SLC45A2: variants seen among roughly 807,000 people sequenced by gnomAD.
SLC45A2 encodes membrane-associated transporter protein.
Under a neutral mutation model 45.5 loss-of-function variants are expected in SLC45A2, and 36 were observed. The ratio of observed to expected loss-of-function variants is 0.79; its 90% CI spans 0.61 to 1.04. The LOEUF (loss-of-function observed/expected upper bound fraction) is 1.04. Among genes scored for constraint, SLC45A2 ranks in the 50% least tolerant of loss-of-function variants. The pLI, the probability that SLC45A2 is intolerant of heterozygous loss-of-function variation, is 0.00. For missense variants in SLC45A2, 719 were observed against 671.0 expected, an observed-to-expected ratio of 1.07 and a Z score of -0.79; for synonymous variants, 306 against 269.3, an observed-to-expected ratio of 1.14 and a Z score of -1.33.
At chr5:33,951,715 A>G in intron 4 of SLC45A2, 38 bp from the exon 5 acceptor site, 1 of 1,613,968 alleles carries the variant, frequency 6.2e-7, no homozygotes, top group Non-Finnish European at 8.5e-7. Flanking sequence ...GTACAAATGC[A>G]ATGTAGTAAG....
At chr5:33,977,561 T>A (rs1252803556) in intron 2 of SLC45A2, among the ~76,000 whole-genome samples, 2 of 152,154 alleles carry the variant, frequency 1.3e-5, no homozygotes, top group African/African-American at 4.8e-5. Context: ...AGCTTTGATC[T>A]CCACAGGCAG....
At chr5:33,978,206 A>G (rs1357556583) in intron 2 of SLC45A2, among the ~76,000 whole-genome samples, 17 of 152,240 alleles carry the variant, frequency 1.1e-4, no homozygotes, top group Admixed American at 2.6e-4. Context: ...ACATTAAAAT[A>G]GAGATCTTAA....
intron 2 of SLC45A2, chr5:33,970,991 GA>G: frequency 2.0e-6 from 1 of 496,546 alleles, no homozygotes; most frequent in South Asian, 1.5e-5. Flanking sequence ...TGAAAAGTCT[GA>G]AAATGATCTG....
rs187081018 is a variant in SLC45A2 at position 33,945,823 on chromosome 5, C to G, written c.1369-951G>C. 7.0e-5 allele frequency: 33 copies of G among 471,466 alleles called. No homozygotes were observed. The Admixed American group carries it at 1.4e-3, about 20-fold the overall frequency. The allele number at this position is 471,466 out of a possible 1,614,324, so 29.2% of individuals were successfully genotyped here. ...AAAAAAAAAGCATTATGCTGAAAAA[C>G]GCATATTATCCTTTGAATAAGAAAG... is the stretch of plus-strand genomic sequence containing the variant. On this transcript the variant is annotated intron_variant, in intron 6 of 6. Transcript: ENST00000296589.
chr5:33,983,200 T>C (rs1023370816), intron 1 of SLC45A2, among the ~76,000 whole-genome samples: 20 of 152,354 alleles, frequency 1.3e-4, no homozygotes, highest in African/African-American at 4.8e-4. Flanking sequence ...TCCTCACAAT[T>C]TTTAACAGCT....
At chr5:33,960,584 A>G (rs1175264473) in intron 3 of SLC45A2, among the ~76,000 whole-genome samples, 1 of 152,144 alleles carries the variant, frequency 6.6e-6, no homozygotes, top group African/African-American at 2.4e-5. Flanking sequence ...TAAGAATGAC[A>G]CAACAGACGT....
At chr5:33,966,348 A>G (rs1056044819) in intron 2 of SLC45A2, among the ~76,000 whole-genome samples, 1 of 152,210 alleles carries the variant, frequency 6.6e-6, no homozygotes, top group African/African-American at 2.4e-5. Flanking sequence ...ATATAAACAT[A>G]AAAAAGACAC....
intron 1 of SLC45A2, among the ~76,000 whole-genome samples, chr5:33,983,390 C>T (rs1194417930): frequency 2.0e-5 from 3 of 152,238 alleles, no homozygotes; most frequent in Non-Finnish European, 4.4e-5. Context: ...CTTCTCACCT[C>T]CTGTCCTTCA....
In SLC45A2 at chr5:33,951,574, A is replaced by G; in HGVS notation, c.1136T>C (p.Val379Ala). 3.1e-6 allele frequency: 5 copies of G among 1,614,176 alleles called. No individual in the cohort carries two copies. The Admixed American group carries it at 8.3e-5, about 27-fold the overall frequency. ...CTTACAAGAATAAAGTGAGGAAAAC[A>G]CGGAGTTGATGCACAAGCCCCAACA... ...VGCWGLCINSVFSSLYSYFQK... is the reference protein window; with the variant it reads ...VGCWGLCINSAFSSLYSYFQK... Residue 379 changes from valine (V) to alanine (A), a missense_variant, in exon 5 of 7, where the codon GTG (valine) becomes GCG (alanine). Val to Ala is a moderately conservative substitution (Grantham distance 64). Transcript: ENST00000296589.
At chr5:33,947,021 G>A (rs1056468665) in intron 6 of SLC45A2, 142 bp downstream of exon 6, 4 of 1,596,718 alleles carry the variant, frequency 2.5e-6, no homozygotes, top group South Asian at 1.1e-5. Flanking sequence ...CCAGATCATG[G>A]TTGCAGTTGG....
chr5:33,954,266 T>G (rs1752203663), intron 4 of SLC45A2, 95 bp downstream of exon 4: 1 of 1,546,764 alleles, frequency 6.5e-7, no homozygotes, highest in African/African-American at 1.4e-5. Context: ...ATTCTTACTG[T>G]GCCAATCTTA....
intron 6 of SLC45A2, 122 bp from the exon 7 acceptor site, chr5:33,944,994 G>A (rs538002569): frequency 1.1e-6 from 1 of 910,826 alleles, no homozygotes. Flanking sequence ...GGATTATACA[G>A]CCCTGGTCAT....
chr5:33,976,607 G>A (rs891374294), intron 2 of SLC45A2, among the ~76,000 whole-genome samples: 1 of 152,138 alleles, frequency 6.6e-6, no homozygotes, highest in African/African-American at 2.4e-5. Context: ...GGGGGTGGGG[G>A]AGATTTTTTT....
At chr5:33,980,824 C>T (rs977743923) in intron 2 of SLC45A2, among the ~76,000 whole-genome samples, 11 of 152,248 alleles carry the variant, frequency 7.2e-5, no homozygotes, top group Middle Eastern at 3.4e-3. Context: ...GAGGAGTGGT[C>T]ATACTATGCC....
chr5:33,947,003 T>C (rs1350788236), intron 6 of SLC45A2, 160 bp downstream of exon 6: 2 of 1,580,388 alleles, frequency 1.3e-6, no homozygotes, highest in Non-Finnish European at 1.7e-6. Flanking sequence ...CTGGTGAGCA[T>C]GCCTGTACCA....
chr5:33,983,677 T>A (rs1232404811), intron 1 of SLC45A2, among the ~76,000 whole-genome samples: 1 of 152,220 alleles, frequency 6.6e-6, no homozygotes, highest in Non-Finnish European at 1.5e-5. Context: ...ACCCTCAGGT[T>A]TGCTTTTGTC....
intron 6 of SLC45A2, among the ~76,000 whole-genome samples, chr5:33,945,577 C>A (rs1751896196): frequency 6.6e-6 from 1 of 152,000 alleles, no homozygotes. Context: ...TTCAACCTCA[C>A]CACCTCCCTG....
intron 2 of SLC45A2, among the ~76,000 whole-genome samples, chr5:33,967,315 AAATTGC>A (rs901807756): frequency 6.6e-6 from 1 of 152,230 alleles, no homozygotes. Context: ...GAAAGTGTAA[AAATTGC>A]AACTGCTTGA....
chr5:33,969,353 T>C (rs553551141), intron 2 of SLC45A2, among the ~76,000 whole-genome samples: 33 of 152,218 alleles, frequency 2.2e-4, no homozygotes, highest in African/African-American at 7.9e-4. Flanking sequence ...CCAGACAAGC[T>C]GATCTGATAT....
Sources: allele counts gnomAD v4.1 joint callset (sites outside exome capture counted in the v4.1 genomes callset), GRCh38; gene constraint gnomAD v4.1.1; transcripts MANE v1.5; gene names NCBI Gene and HGNC (gene_info 2026-07-23, HGNC 2026-07-21).